The following NDUFA13 variants were observed in gnomAD, a reference collection of about 807,000 sequenced individuals.
NDUFA13 encodes NADH:ubiquinone oxidoreductase subunit A13.
A neutral mutation model predicts 17.0 loss-of-function variants in NDUFA13; 16 were observed. That is an observed-to-expected ratio of 0.94 (90% CI 0.64 to 1.43). NDUFA13 has a LOEUF of 1.43. Ranked by LOEUF, NDUFA13 falls within the 40% of genes most tolerant of loss-of-function variation. The pLI is 0.00. For synonymous variants in NDUFA13, 87 were observed against 78.4 expected, an observed-to-expected ratio of 1.11 and a Z score of -0.58; for missense variants, 228 against 206.7, an observed-to-expected ratio of 1.10 and a Z score of -0.63.
At chr19:19,521,263 G>A (rs538228066) in intron 1 of NDUFA13, among the ~76,000 whole-genome samples, 1 of 144,180 alleles carries the variant, frequency 6.9e-6, no homozygotes, top group South Asian at 2.2e-4. Context: ...CATTATGGTG[G>A]AGTTTTTTAA....
chr19:19,516,327 T>C lies in NDUFA13; in HGVS notation c.89T>C (p.Leu30Pro). Reference protein sequence around the residue: ...DYKRNLPRRGLSGYSMLAIGI... With the variant: ...DYKRNLPRRGPSGYSMLAIGI... ...AAACGGAACTTGCCGCGTCGAGGAC[T>C]GTCGGGTCAGTATCACTCTGCGCCG... The change falls in exon 1 of 5, where the codon CTG (leucine) becomes CCG (proline). Residue 30 changes from leucine to proline, a missense_variant. Leu to Pro is a moderately conservative substitution (Grantham distance 98). Coordinates refer to ENST00000507754, the MANE Select transcript of NDUFA13 (RefSeq NM_015965.7). The C allele has an allele frequency of 1.2e-6, 2 of 1,613,270 alleles. No homozygotes were observed. Among genetic ancestry groups the C allele is most frequent in the Non-Finnish European group, 1.7e-6 (2 of 1,179,952 alleles).
chr19:19,521,909 G>A (rs893894751), intron 1 of NDUFA13, among the ~76,000 whole-genome samples: 5 of 152,024 alleles, frequency 3.3e-5, no homozygotes, highest in African/African-American at 1.2e-4. Context: ...GCTTAGTAGG[G>A]TTTTTTAAAT....
chr19:19,524,319 G>A (rs1352334824), intron 1 of NDUFA13, among the ~76,000 whole-genome samples: 1 of 152,230 alleles, frequency 6.6e-6, no homozygotes, highest in African/African-American at 2.4e-5. Context: ...ATACATCTCT[G>A]TTCTATGCCA....
intron 1 of NDUFA13, among the ~76,000 whole-genome samples, chr19:19,516,766 A>G (rs2144634934): frequency 6.6e-6 from 1 of 152,318 alleles, no homozygotes; most frequent in East Asian, 1.9e-4. Flanking sequence ...ATGGTGTCAC[A>G]GGAATCCATA....
chr19:19,527,577 G>C, intron 3 of NDUFA13, 124 bp from the exon 4 acceptor site: 1 of 965,850 alleles, frequency 1.0e-6, no homozygotes, highest in South Asian at 1.4e-5. Flanking sequence ...GAAAAGCTAG[G>C]AGTTGGCTGG....
intron 1 of NDUFA13, among the ~76,000 whole-genome samples, chr19:19,520,042 T>G (rs1429379019): frequency 6.8e-6 from 1 of 146,484 alleles, no homozygotes; most frequent in Non-Finnish European, 1.5e-5. Context: ...TGGCGCGATC[T>G]CAGCTCACTG....
Position 19,528,137 on chromosome 19 carries a change from C to T in NDUFA13, c.*11C>T. 5 of 1,611,100 alleles carry T rather than the reference C, an allele frequency of 3.1e-6. No individual in the cohort carries two copies. The highest frequency in any genetic ancestry group is 4.2e-6 in the Non-Finnish European group (5 of 1,179,914). ...ATGTGGTACACGTAGGCCCTGTGCC[C>T]TCCGGCCACCTGGATCCCTGCCCCT... On this transcript the variant is annotated 3_prime_UTR_variant, in exon 5 of 5. Coordinates refer to ENST00000507754, the MANE Select transcript of NDUFA13 (RefSeq NM_015965.7).
At chr19:19,524,985 C>T (rs911138348) in intron 1 of NDUFA13, among the ~76,000 whole-genome samples, 2 of 151,998 alleles carry the variant, frequency 1.3e-5, no homozygotes, top group Non-Finnish European at 2.9e-5. Context: ...TGCATTGAGC[C>T]ATGATTGCGC....
At chr19:19,518,668 A>G (rs1328185330) in intron 1 of NDUFA13, among the ~76,000 whole-genome samples, 1 of 131,680 alleles carries the variant, frequency 7.6e-6, no homozygotes. Flanking sequence ...GGTTCAAGCG[A>G]TTCTCCTCCC....
intron 1 of NDUFA13, among the ~76,000 whole-genome samples, chr19:19,522,685 A>G (rs1482227392): frequency 6.6e-6 from 1 of 151,968 alleles, no homozygotes; most frequent in Admixed American, 6.6e-5. Flanking sequence ...TCACCGTGTT[A>G]GCCAGGATGG....
intron 1 of NDUFA13, among the ~76,000 whole-genome samples, chr19:19,525,838 C>T (rs527802720): frequency 9.1e-4 from 138 of 152,254 alleles, no homozygotes; most frequent in Non-Finnish European, 1.5e-3. Context: ...GGGCAGCACG[C>T]GGAACTGTGG....
intron 1 of NDUFA13, among the ~76,000 whole-genome samples, chr19:19,524,771 A>AGTGG (rs2061093124): frequency 6.6e-6 from 1 of 152,096 alleles, no homozygotes; most frequent in Non-Finnish European, 1.5e-5. Flanking sequence ...TTGCCACTGC[A>AGTGG]CCCCAGCCAG....
At chr19:19,527,399 C>G (rs771806815) in intron 3 of NDUFA13, 47 bp downstream of exon 3, 11 of 1,604,398 alleles carry the variant, frequency 6.9e-6, no homozygotes, top group African/African-American at 2.7e-5. Context: ...CCGGAAGGCC[C>G]CAGGCTGCAG....
intron 1 of NDUFA13, among the ~76,000 whole-genome samples, chr19:19,519,045 A>ATTTTTTTTTTTTTTT (rs71170693): frequency 2.3e-3 from 260 of 114,784 alleles, no homozygotes; most frequent in Non-Finnish European, 3.2e-3. Context: ...GGCCCGGCCT[A>ATTTTTTTTTTTTTTT]TTTTTTTTTT....
intron 2 of NDUFA13, 116 bp from the exon 3 acceptor site, chr19:19,527,165 T>TCC: frequency 2.3e-5 from 11 of 470,768 alleles, no homozygotes; most frequent in Admixed American, 2.2e-4. Context: ...CCTGCCTGCC[T>TCC]CCCCGCCCCC....
chr19:19,525,369 C>CA (rs1330872569), intron 1 of NDUFA13, among the ~76,000 whole-genome samples: 1 of 152,264 alleles, frequency 6.6e-6, no homozygotes, highest in Non-Finnish European at 1.5e-5. Context: ...CAGGGCCCGG[C>CA]AGGCACAGAG....
At chr19:19,527,935 TC>T in intron 4 of NDUFA13, 71 bp from the exon 5 acceptor site, 2 of 1,577,724 alleles carry the variant, frequency 1.3e-6, no homozygotes, top group Non-Finnish European at 1.7e-6. Flanking sequence ...GGGCCACTGA[TC>T]CTGGGGGATG....
At chr19:19,526,941 G>A (rs116649084) in intron 2 of NDUFA13, among the ~76,000 whole-genome samples, 3,055 of 152,304 alleles carry the variant, frequency 0.02, 116 homozygotes, top group African/African-American at 0.068. Context: ...GGTTTTGTGA[G>A]GCCCAGAGCC....
At chr19:19,522,609 G>A (rs2061083272) in intron 1 of NDUFA13, among the ~76,000 whole-genome samples, 1 of 149,798 alleles carries the variant, frequency 6.7e-6, no homozygotes, top group Admixed American at 6.7e-5. Context: ...CTCCTGAGTA[G>A]CGGGGACTAC....
Sources: gnomAD v4.1 joint callset for allele counts (sites outside exome capture counted in the v4.1 genomes callset) on GRCh38, gnomAD v4.1.1 for gene constraint, MANE v1.5 for transcripts, NCBI Gene and HGNC (gene_info 2026-07-23, HGNC 2026-07-21) for gene names.